The following LAPTM4B variants were observed in gnomAD, a reference collection of about 807,000 sequenced individuals.
The protein encoded by LAPTM4B is lysosomal-associated transmembrane protein 4B.
In LAPTM4B, 26 loss-of-function variants were observed where a neutral mutation model predicts 28.5. The ratio of observed to expected loss-of-function variants is 0.91; its 90% confidence interval spans 0.67 to 1.27. The LOEUF (loss-of-function observed/expected upper bound fraction) is 1.27. Ranked by LOEUF, LAPTM4B falls within the 50% of genes most tolerant of loss-of-function variation. The pLI is 0.00. For missense variants in LAPTM4B, 288 were observed against 285.8 expected (o/e 1.01, Z -0.06); for synonymous variants, 109 against 106.4 (o/e 1.02, Z -0.15).
chr8:97,848,700 A>G (rs1160965030), intron 6 of LAPTM4B, among the ~76,000 whole-genome samples: 4 of 152,230 alleles, frequency 2.6e-5, no homozygotes, highest in Non-Finnish European at 5.9e-5. Flanking sequence ...AGGATAATTT[A>G]TCTAAAGATA....
intron 5 of LAPTM4B, 129 bp from the exon 6 acceptor site, chr8:97,824,927 TAG>T: frequency 1.8e-6 from 1 of 560,964 alleles, no homozygotes; most frequent in Non-Finnish European, 3.2e-6. Context: ...TTTGGTTTAG[TAG>T]AGCTGTTATA....
intron 6 of LAPTM4B, among the ~76,000 whole-genome samples, chr8:97,842,396 A>G (rs1464041670): frequency 6.6e-6 from 1 of 152,200 alleles, no homozygotes; most frequent in Non-Finnish European, 1.5e-5. Context: ...TAGGACAGCT[A>G]TCTGAAACAT....
At chr8:97,794,998 C>T (rs1310737408) in intron 1 of LAPTM4B, among the ~76,000 whole-genome samples, 2 of 152,222 alleles carry the variant, frequency 1.3e-5, no homozygotes, top group Non-Finnish European at 2.9e-5. Flanking sequence ...AGGCGTGAGC[C>T]GCCATGCCCA....
At chr8:97,809,389 A>G (rs1228156518) in intron 2 of LAPTM4B, among the ~76,000 whole-genome samples, 2 of 152,200 alleles carry the variant, frequency 1.3e-5, no homozygotes, top group Non-Finnish European at 2.9e-5. Flanking sequence ...TAATGGGGTT[A>G]TTCAGAATAG....
chr8:97,781,756 C>T (rs146183779), intron 1 of LAPTM4B, among the ~76,000 whole-genome samples: 147 of 152,286 alleles, frequency 9.7e-4, no homozygotes, highest in African/African-American at 3.3e-3. Context: ...TGGAATTATG[C>T]TGTGTGTACC....
At chr8:97,784,261 A>G (rs970408817) in intron 1 of LAPTM4B, among the ~76,000 whole-genome samples, 1 of 152,146 alleles carries the variant, frequency 6.6e-6, no homozygotes, top group Non-Finnish European at 1.5e-5. Context: ...AGAATAACGG[A>G]CTGATTTGTG....
chr8:97,807,204 CATT>C (rs1816768705), intron 2 of LAPTM4B, among the ~76,000 whole-genome samples: 1 of 152,158 alleles, frequency 6.6e-6, no homozygotes, highest in Admixed American at 6.5e-5. Flanking sequence ...AGTGACTTAT[CATT>C]GTGTGCCTCA....
At chr8:97,795,776 C>A (rs1282880281) in intron 1 of LAPTM4B, among the ~76,000 whole-genome samples, 1 of 151,336 alleles carries the variant, frequency 6.6e-6, no homozygotes, top group African/African-American at 2.4e-5. Context: ...TTGCTTGAAC[C>A]CCAGAGGCCG....
At chr8:97,794,792 C>A (rs1469602745) in intron 1 of LAPTM4B, among the ~76,000 whole-genome samples, 1 of 152,218 alleles carries the variant, frequency 6.6e-6, no homozygotes, top group Non-Finnish European at 1.5e-5. Context: ...TGGCTCACTG[C>A]AACCTCCACC....
intron 1 of LAPTM4B, among the ~76,000 whole-genome samples, chr8:97,781,120 C>A (rs1233036911): frequency 2.0e-5 from 3 of 151,500 alleles, no homozygotes. Flanking sequence ...TCCTGAGTAG[C>A]TGGGATTACA....
intron 2 of LAPTM4B, among the ~76,000 whole-genome samples, chr8:97,808,829 C>T (rs371388221): frequency 1.4e-4 from 22 of 151,812 alleles, no homozygotes; most frequent in East Asian, 9.8e-4. Context: ...GGTGTGGTGG[C>T]GTGTGTCTGT....
chr8:97,812,458 C>T (rs1009902798), intron 2 of LAPTM4B, among the ~76,000 whole-genome samples: 7 of 151,982 alleles, frequency 4.6e-5, no homozygotes, highest in African/African-American at 9.7e-5. Flanking sequence ...CCACCTGCGT[C>T]GGCCTCCCAG....
chr8:97,799,337 A>G (rs565427117), intron 1 of LAPTM4B, among the ~76,000 whole-genome samples: 2 of 152,228 alleles, frequency 1.3e-5, no homozygotes, highest in Non-Finnish European at 2.9e-5. Context: ...CATAAAATAG[A>G]GTATCCTGTG....
At chr8:97,790,465 C>G (rs868036512) in intron 1 of LAPTM4B, among the ~76,000 whole-genome samples, 2 of 151,820 alleles carry the variant, frequency 1.3e-5, no homozygotes, top group Non-Finnish European at 2.9e-5. Flanking sequence ...GCACATACCA[C>G]CATGCCTGGC....
chr8:97,787,852 A>T (rs984141842), intron 1 of LAPTM4B, among the ~76,000 whole-genome samples: 17 of 152,066 alleles, frequency 1.1e-4, no homozygotes, highest in South Asian at 8.3e-4. Flanking sequence ...TTATTTTTTT[A>T]GACAGAGTCT....
intron 2 of LAPTM4B, among the ~76,000 whole-genome samples, chr8:97,811,155 G>A (rs904644479): frequency 6.6e-6 from 1 of 152,062 alleles, no homozygotes; most frequent in South Asian, 2.1e-4. Flanking sequence ...CTCAAATCAC[G>A]GCTGGGAATG....
At chr8:97,826,090 CT>C (rs1161327782) in intron 6 of LAPTM4B, among the ~76,000 whole-genome samples, 1 of 152,172 alleles carries the variant, frequency 6.6e-6, no homozygotes, top group Non-Finnish European at 1.5e-5. Flanking sequence ...CCTTACTTTA[CT>C]TTCTTGTGTA....
At chr8:97,796,679 C>T (rs1292398374) in intron 1 of LAPTM4B, among the ~76,000 whole-genome samples, 1 of 152,190 alleles carries the variant, frequency 6.6e-6, no homozygotes, top group Non-Finnish European at 1.5e-5. Context: ...GTGACTCATT[C>T]CTGTAATCCC....
intron 1 of LAPTM4B, among the ~76,000 whole-genome samples, chr8:97,786,419 C>T: frequency 1.3e-5 from 1 of 77,054 alleles, no homozygotes; most frequent in South Asian, 4.2e-4. Flanking sequence ...AAAAAAAAAA[C>T]AAGGCCGGGT....
Sources: allele counts gnomAD v4.1 joint callset (sites outside exome capture counted in the v4.1 genomes callset), GRCh38; gene constraint gnomAD v4.1.1; transcripts MANE v1.5; gene names NCBI Gene and HGNC (gene_info 2026-07-23, HGNC 2026-07-21).